Variants in ZNF644 observed in about 807,000 individuals in gnomAD.
ZNF644 encodes zinc finger protein 644, also known as zinc finger motif enhancer binding protein 2.
A neutral mutation model predicts 108.0 loss-of-function variants in ZNF644; 20 were observed. The observed-to-expected ratio is 0.19, with a 90% CI of 0.13 to 0.27. ZNF644 has a LOEUF of 0.27. Among genes scored for constraint, ZNF644 ranks in the 10% least tolerant of loss-of-function variants. The pLI is 1.00. For missense variants in ZNF644, 1,338 were observed against 1,548.9 expected (o/e 0.86, Z 2.29); for synonymous variants, 542 against 539.1 (o/e 1.01, Z -0.08).
chr1:90,937,584 T>C lies in ZNF644; in HGVS notation c.3589A>G (p.Thr1197Ala), dbSNP rs1244167222. 1.2e-6 allele frequency: 2 copies of C among 1,613,962 alleles called. No individual in the cohort carries two copies. Among genetic ancestry groups the C allele is most frequent in the Admixed American group, 3.3e-5 (2 of 60,012 alleles). ...TTCTGAACGAATCTCTTTCTTGCTG[T>C]CTGATTATGGATCTTTTGAGGAGAA... ...AISPQKIHNQTARKRFVQKCV... is the reference protein window; with the variant it reads ...AISPQKIHNQAARKRFVQKCV... Residue 1197 changes from threonine to alanine, a missense_variant, in exon 4 of 6, where the codon ACA becomes GCA. By Grantham distance (58) the Thr-to-Ala change is moderately conservative. Transcript: ENST00000337393.
In ZNF644 at chr1:90,943,366, G is replaced by A. The variant is rs546913644; in HGVS notation, c.45-2057C>T. On this transcript the variant is annotated intron_variant, in intron 2 of 5. Transcript: ENST00000337393. ...TGAGGCAGGAGAATGGCGTGTACCCGGGAGACAGAGCTTGCAGTGAGCCAA... is the reference window on the plus strand; with the variant it reads ...TGAGGCAGGAGAATGGCGTGTACCCAGGAGACAGAGCTTGCAGTGAGCCAA... Among the ~76,000 whole-genome samples the A allele has an allele frequency of 4.6e-5, 7 of 152,190 alleles. No individual in the cohort carries two copies. In the East Asian group the frequency reaches 7.7e-4, roughly 17 times the overall value.
intron 1 of ZNF644, among the ~76,000 whole-genome samples, chr1:90,998,647 C>T (rs1658428124): frequency 6.6e-6 from 1 of 152,178 alleles, no homozygotes; most frequent in Admixed American, 6.5e-5. Context: ...AGCGCCTCTC[C>T]CCCTCCAAAG....
chr1:90,970,751 TA>T (rs566453398), intron 2 of ZNF644, among the ~76,000 whole-genome samples: 3 of 152,052 alleles, frequency 2.0e-5, no homozygotes, highest in African/African-American at 7.2e-5. Flanking sequence ...GATTATCTAT[TA>T]AAAAAATATA....
chr1:90,940,307 T>G lies in ZNF644; in HGVS notation c.1047A>C (p.Ser349=). ...KYALSKVKPE[S]TDEDLESVDA... is the part of the protein sequence containing the mutation. ...CCACAGATTCTAAGTCTTCATCAGT[T>G]GATTCAGGCTTCACTTTTGATAATG... The change falls in exon 3 of 6, where the codon TCA becomes TCC. Residue 349 remains serine (S), a synonymous_variant. Coordinates refer to ENST00000337393, the MANE Select transcript of ZNF644 (RefSeq NM_201269.3). 1.2e-6 allele frequency: 2 copies of G among 1,614,034 alleles called. No homozygotes were observed. Among genetic ancestry groups the G allele is most frequent in the South Asian group, 1.1e-5 (1 of 91,086 alleles).
At chr1:90,919,911 C>T (rs1188724249) in intron 4 of ZNF644, among the ~76,000 whole-genome samples, 1 of 152,004 alleles carries the variant, frequency 6.6e-6, no homozygotes. Flanking sequence ...TTGCTGCAGT[C>T]ACACATACTT....
intron 2 of ZNF644, among the ~76,000 whole-genome samples, chr1:90,959,103 G>A (rs1654057024): frequency 6.6e-6 from 1 of 151,958 alleles, no homozygotes; most frequent in Non-Finnish European, 1.5e-5. Flanking sequence ...AGCAAAGGAC[G>A]TGAACAGATA....
At chr1:90,950,171 AG>A (rs1161007358) in intron 2 of ZNF644, among the ~76,000 whole-genome samples, 2 of 149,156 alleles carry the variant, frequency 1.3e-5, no homozygotes, top group African/African-American at 5.0e-5. Context: ...CCTGCTACTC[AG>A]GAGGCTGAGG....
rs142885368 is a variant in ZNF644 at position 90,921,886 on chromosome 1, C to T, written c.3689-3732G>A. On this transcript the variant is annotated intron_variant, in intron 4 of 5. Coordinates refer to ENST00000337393, the MANE Select transcript of ZNF644 (RefSeq NM_201269.3). ...ATACGACGACCAATGACCATGACGA[C>T]AACAACATGCCAAAGCACTAAACCA... 4.6e-3 allele frequency among the ~76,000 whole-genome samples: 696 copies of T among 152,154 alleles called. 6 individuals are homozygous for T. The highest frequency in any genetic ancestry group is 6.5e-3 in the Non-Finnish European group (439 of 67,990).
intron 1 of ZNF644, among the ~76,000 whole-genome samples, chr1:91,014,886 C>T (rs568180321): frequency 9.9e-4 from 150 of 152,106 alleles, no homozygotes; most frequent in Non-Finnish European, 1.6e-3. Context: ...CCTCTCTAGA[C>T]CTTCTCAAGA....
chr1:90,957,698 T>C lies in ZNF644; in HGVS notation c.45-16389A>G, dbSNP rs138520803. ...TACTCAATGGTGAGAGACAAGTTTTTCCCCTAATATCAGTAAAGAGACAAG... is the reference window on the plus strand; with the variant it reads ...TACTCAATGGTGAGAGACAAGTTTTCCCCCTAATATCAGTAAAGAGACAAG... On this transcript the variant is annotated intron_variant, in intron 2 of 5. Transcript: ENST00000337393. Among the ~76,000 whole-genome samples the C allele has an allele frequency of 2.7e-3, 407 of 152,208 alleles. 2 individuals carry two copies. Among genetic ancestry groups the C allele is most frequent in the African/African-American group, 9.4e-3 (389 of 41,544 alleles).
At chr1:91,002,874 A>T (rs1217789249) in intron 1 of ZNF644, among the ~76,000 whole-genome samples, 1 of 152,220 alleles carries the variant, frequency 6.6e-6, no homozygotes, top group Non-Finnish European at 1.5e-5. Flanking sequence ...GGCAAAGGAT[A>T]TGAACAGACA....
rs182360505 is a variant in ZNF644 at position 90,956,961 on chromosome 1, G to A, written c.45-15652C>T. 2.4e-4 allele frequency among the ~76,000 whole-genome samples: 37 copies of A among 152,228 alleles called. 1 individual carries two copies. In the East Asian group the frequency reaches 3.5e-3, roughly 14 times the overall value. On this transcript the variant is annotated intron_variant, in intron 2 of 5. Coordinates refer to ENST00000337393, the MANE Select transcript of ZNF644 (RefSeq NM_201269.3). Reference sequence around the variant, plus strand: ...CACAAGTGAAAAATCAGGAATAGAAGTGGGGGAACACTGGTACCAACCTTA... The same window carrying A: ...CACAAGTGAAAAATCAGGAATAGAAATGGGGGAACACTGGTACCAACCTTA...
chr1:90,997,177 G>A (rs995184683), intron 1 of ZNF644, among the ~76,000 whole-genome samples: 2 of 152,076 alleles, frequency 1.3e-5, no homozygotes, highest in African/African-American at 2.4e-5. Context: ...CTGTATACAC[G>A]CCCAGGAAAG....
intron 4 of ZNF644, among the ~76,000 whole-genome samples, chr1:90,931,383 A>C (rs1449485403): frequency 6.6e-6 from 1 of 151,318 alleles, no homozygotes; most frequent in Non-Finnish European, 1.5e-5. Flanking sequence ...AAAAAAAAAA[A>C]ACCCCTACCA....
intron 4 of ZNF644, among the ~76,000 whole-genome samples, chr1:90,925,532 A>C (rs1420626459): frequency 1.3e-5 from 2 of 152,098 alleles, no homozygotes; most frequent in Non-Finnish European, 2.9e-5. Context: ...TTAGAGAATA[A>C]AAATCATAGC....
At chr1:90,918,890 T>C (rs1413940376) in intron 4 of ZNF644, among the ~76,000 whole-genome samples, 1 of 152,130 alleles carries the variant, frequency 6.6e-6, no homozygotes, top group African/African-American at 2.4e-5. Context: ...AGTTTACAAT[T>C]GGATCTGATG....
intron 4 of ZNF644, among the ~76,000 whole-genome samples, chr1:90,919,020 TG>T (rs1649125935): frequency 6.6e-6 from 1 of 152,096 alleles, no homozygotes; most frequent in African/African-American, 2.4e-5. Flanking sequence ...TTATGTGAAC[TG>T]TTCTTGAAAT....
chr1:91,003,528 T>G (rs1659097897), intron 1 of ZNF644, among the ~76,000 whole-genome samples: 1 of 151,746 alleles, frequency 6.6e-6, no homozygotes, highest in Admixed American at 6.6e-5. Flanking sequence ...CTGGGGCCTG[T>G]CGTGGGGTGG....
chr1:91,009,251 TTATAC>T (rs1659721388), intron 1 of ZNF644, among the ~76,000 whole-genome samples: 1 of 152,164 alleles, frequency 6.6e-6, no homozygotes, highest in African/African-American at 2.4e-5. Flanking sequence ...AATGTAAATG[TTATAC>T]TAAAACGTGG....
Sources: allele counts gnomAD v4.1 joint callset (sites outside exome capture counted in the v4.1 genomes callset), GRCh38; gene constraint gnomAD v4.1.1; transcripts MANE v1.5; gene names NCBI Gene and HGNC (gene_info 2026-07-23, HGNC 2026-07-21).